Variants in DACH2 observed in about 807,000 individuals in gnomAD.
DACH2 encodes the protein dachshund homolog 2.
Under a neutral mutation model 35.8 loss-of-function variants are expected in DACH2, and 17 were observed. That is an observed-to-expected ratio of 0.48 (90% CI 0.33 to 0.71). The LOEUF (loss-of-function observed/expected upper bound fraction) is 0.71, where lower values mean the gene tolerates loss of function less well. DACH2 is among the 30% of genes least tolerant of loss of function. The probability of loss-of-function intolerance (pLI) is 0.02; values close to 1 mark genes in which losing one functional copy is unlikely to be tolerated. For synonymous variants in DACH2, 195 were observed against 177.3 expected, an observed-to-expected ratio of 1.10 and a Z score of -0.79; for missense variants, 469 against 472.7, an observed-to-expected ratio of 0.99 and a Z score of 0.07.
chrX:86,762,372 T>G (rs780935819), intron 7 of DACH2, among the ~76,000 whole-genome samples: 3 of 111,365 alleles, frequency 2.7e-5, no homozygotes, highest in Non-Finnish European at 5.7e-5. Flanking sequence ...GAGCTTTTTG[T>G]ATAAATTCTT....
chrX:86,649,846 T>C (rs1219945706), intron 3 of DACH2, among the ~76,000 whole-genome samples: 3 of 111,221 alleles, frequency 2.7e-5, no homozygotes, highest in Non-Finnish European at 5.7e-5. Context: ...GACAGTTATG[T>C]TTCTTTTTTG....
chrX:86,471,023 C>T (rs1037383038), intron 2 of DACH2, among the ~76,000 whole-genome samples: 15 of 111,100 alleles, frequency 1.4e-4, no homozygotes, highest in Non-Finnish European at 2.8e-4. Flanking sequence ...TTCAGTGATG[C>T]AGTTAGAACT....
chrX:86,194,897 T>C (rs964891832), intron 1 of DACH2, among the ~76,000 whole-genome samples: 1 of 112,623 alleles, frequency 8.9e-6, no homozygotes, highest in Non-Finnish European at 1.9e-5. Flanking sequence ...GAGCATCCCT[T>C]GGTCTGCTGG....
chrX:86,209,687 A>T (rs2032400090), intron 1 of DACH2, among the ~76,000 whole-genome samples: 1 of 110,866 alleles, frequency 9.0e-6, no homozygotes, highest in Non-Finnish European at 1.9e-5. Context: ...TTCCTCCTTC[A>T]CATGAGTGAG....
chrX:86,556,770 A>G (rs899457404), intron 3 of DACH2, among the ~76,000 whole-genome samples: 2 of 38,271 alleles, frequency 5.2e-5, no homozygotes, highest in Non-Finnish European at 8.8e-5. Flanking sequence ...ATATATATAT[A>G]TATATATATA....
In DACH2 at chrX:86,530,121, G is replaced by A. The variant is rs754030471; in HGVS notation, c.640+15730G>A. ...GGGCATAGAGAAGCTTGCATATAAA[G>A]CATATTAGCCCATTCAAGGCATGCA... On this transcript the variant is annotated intron_variant, in intron 3 of 11. Transcript: ENST00000373125. Among the ~76,000 whole-genome samples, 3 of 110,934 alleles carry A rather than the reference G, an allele frequency of 2.7e-5. No homozygotes were observed. The South Asian group carries it at 1.1e-3, about 42-fold the overall frequency.
At chrX:86,259,926 C>A (rs1211007032) in intron 1 of DACH2, among the ~76,000 whole-genome samples, 1 of 111,173 alleles carries the variant, frequency 9.0e-6, no homozygotes, top group Non-Finnish European at 1.9e-5. Flanking sequence ...CAAACATAGA[C>A]TGCAATAAGG....
chrX:86,789,490 A>G (rs994474165), intron 7 of DACH2, among the ~76,000 whole-genome samples: 1 of 109,637 alleles, frequency 9.1e-6, no homozygotes, highest in Non-Finnish European at 1.9e-5. Context: ...AATTCCAAAA[A>G]CAATAAATGG....
rs180826928 is a variant in DACH2, at chrX:86,518,793, G to A, written c.640+4402G>A. 4.6e-3 allele frequency among the ~76,000 whole-genome samples: 511 copies of A among 111,804 alleles called. 7 individuals carry two copies. The highest frequency in any genetic ancestry group is 0.016 in the African/African-American group (486 of 30,775). On this transcript the variant is annotated intron_variant, in intron 3 of 11. Coordinates refer to ENST00000373125, the MANE Select transcript of DACH2 (RefSeq NM_053281.3). ...TTGTTTATCAGCTGGAGCAGCTTTGGGGCTGAGACAATGGAGTTTTCTAGA... is the reference window on the plus strand; with the variant it reads ...TTGTTTATCAGCTGGAGCAGCTTTGAGGCTGAGACAATGGAGTTTTCTAGA...
At chrX:86,731,877 TG>T (rs752037918) in intron 6 of DACH2, among the ~76,000 whole-genome samples, 2 of 112,221 alleles carry the variant, frequency 1.8e-5, no homozygotes, top group East Asian at 5.6e-4. Flanking sequence ...CTTGCCTTCA[TG>T]GATTTAAATA....
At chrX:86,226,745 A>T (rs1399624785) in intron 1 of DACH2, among the ~76,000 whole-genome samples, 1 of 111,771 alleles carries the variant, frequency 8.9e-6, no homozygotes, top group Non-Finnish European at 1.9e-5. Context: ...TTCCAAATTA[A>T]GAAGTTGTAT....
intron 2 of DACH2, among the ~76,000 whole-genome samples, chrX:86,472,916 A>T (rs1013254715): frequency 1.6e-4 from 18 of 111,259 alleles, no homozygotes; most frequent in Middle Eastern, 4.7e-3. Flanking sequence ...GCAAATTAAA[A>T]TTTTTTTTCT....
At chrX:86,540,422 T>C (rs916837574) in intron 3 of DACH2, among the ~76,000 whole-genome samples, 2 of 112,088 alleles carry the variant, frequency 1.8e-5, no homozygotes, top group Non-Finnish European at 3.8e-5. Flanking sequence ...ATGCATCACA[T>C]CTCACATTCA....
chrX:86,681,609 CTA>C (rs57331012), intron 4 of DACH2, among the ~76,000 whole-genome samples: 6 of 98,832 alleles, frequency 6.1e-5, no homozygotes, highest in African/African-American at 1.2e-4. Context: ...CTCTCTCTCT[CTA>C]TATATATATA....
rs150091556 is a variant in DACH2, at chrX:86,731,424, C to G, written c.1105-8323C>G. Among the ~76,000 whole-genome samples the G allele has an allele frequency of 5.4e-3, 599 of 111,706 alleles. 8 individuals are homozygous for G. Among genetic ancestry groups the G allele is most frequent in the African/African-American group, 0.018 (567 of 30,870 alleles). ...CATATGAAATGGGTATCACTTCAGA[C>G]TCTTCACGGCAATCTTTTCTTATAT... On this transcript the variant is annotated intron_variant, in intron 6 of 11. Transcript: ENST00000373125.
chrX:86,158,785 T>A (rs2030644346), intron 1 of DACH2, among the ~76,000 whole-genome samples: 1 of 111,623 alleles, frequency 9.0e-6, no homozygotes, highest in African/African-American at 3.3e-5. Context: ...ATCCTTAAAT[T>A]TCCTTTCCTA....
chrX:86,233,817 C>G (rs2147935484), intron 1 of DACH2, among the ~76,000 whole-genome samples: 1 of 112,076 alleles, frequency 8.9e-6, no homozygotes, highest in African/African-American at 3.2e-5. Flanking sequence ...GATGCAAAAG[C>G]AGAAACCCCT....
chrX:86,632,773 A>G (rs1296514559), intron 3 of DACH2, among the ~76,000 whole-genome samples: 1 of 111,443 alleles, frequency 9.0e-6, no homozygotes, highest in Admixed American at 9.6e-5. Flanking sequence ...AAAACTAGAA[A>G]TCAACACCAA....
intron 1 of DACH2, among the ~76,000 whole-genome samples, chrX:86,193,938 G>A (rs2031903473): frequency 1.8e-5 from 2 of 108,642 alleles, no homozygotes; most frequent in Admixed American, 1.0e-4. Context: ...TTTTTAAGTG[G>A]ACCTAAGTTG....
Sources: gnomAD v4.1 joint callset for allele counts (sites outside exome capture counted in the v4.1 genomes callset) on GRCh38, gnomAD v4.1.1 for gene constraint, MANE v1.5 for transcripts, NCBI Gene and HGNC (gene_info 2026-07-23, HGNC 2026-07-21) for gene names.